The following PPARGC1A variants were observed in gnomAD, a reference collection of about 807,000 sequenced individuals.
The protein encoded by PPARGC1A is peroxisome proliferator-activated receptor gamma coactivator 1-alpha.
A neutral mutation model predicts 88.7 loss-of-function variants in PPARGC1A; 25 were observed. The observed-to-expected ratio is 0.28, with a 90% confidence interval of 0.21 to 0.39. PPARGC1A has a LOEUF of 0.39. Among genes scored for constraint, PPARGC1A ranks in the 10% least tolerant of loss-of-function variants. PPARGC1A has a pLI of 1.00. For missense variants in PPARGC1A, 880 were observed against 968.7 expected (o/e 0.91, Z 1.22); for synonymous variants, 363 against 355.6 (o/e 1.02, Z -0.24).
chr4:24,002,097 C>CACAGAGAGAGAGAG, the PPARGC1A span, among the ~76,000 whole-genome samples: 19 of 125,380 alleles, frequency 1.5e-4, no homozygotes, highest in African/African-American at 5.2e-4. Flanking sequence ...CACACACACA[C>CACAGAGAGAGAGAG]AGAGAGAGAG....
the PPARGC1A span, among the ~76,000 whole-genome samples, chr4:24,164,679 T>C: frequency 2.6e-5 from 4 of 152,204 alleles, no homozygotes; most frequent in South Asian, 2.1e-4. Context: ...GAATCTGTTT[T>C]AAAATTACTG....
At chr4:24,351,961 A>C in the PPARGC1A span, among the ~76,000 whole-genome samples, 47 of 152,242 alleles carry the variant, frequency 3.1e-4, no homozygotes, top group Middle Eastern at 6.8e-3. Context: ...GCAGAACTGG[A>C]TACTATGTTC....
rs940847067 is a variant in PPARGC1A at position 23,794,395 on chromosome 4, G to C, written c.*1427C>G. On this transcript the variant is annotated 3_prime_UTR_variant, in exon 13 of 13. Coordinates refer to ENST00000264867, the MANE Select transcript of PPARGC1A (RefSeq NM_013261.5). ...AATGTGGAAAAATATCGCAGAAGTG[G>C]TTAATACCTTTAGGGGACTAGGATA... 4.6e-5 allele frequency: 7 copies of C among 152,534 alleles called. No individual in the cohort carries two copies. Among genetic ancestry groups the C allele is most frequent in the Admixed American group, 2.0e-4 (3 of 15,260 alleles). 9.4% of individuals were successfully genotyped at this position (152,534 alleles called of 1,614,324 possible).
chr4:24,173,776 A>G, the PPARGC1A span, among the ~76,000 whole-genome samples: 2 of 152,238 alleles, frequency 1.3e-5, no homozygotes, highest in Non-Finnish European at 2.9e-5. Context: ...CCTCATCTGC[A>G]AAATGGGAAT....
At chr4:24,351,094 G>C in the PPARGC1A span, among the ~76,000 whole-genome samples, 1 of 152,026 alleles carries the variant, frequency 6.6e-6, no homozygotes, top group Non-Finnish European at 1.5e-5. Flanking sequence ...AGCTGGGAGC[G>C]GTGGCTCATG....
At chr4:23,857,375 C>CTGTGTGT (rs1560455961) in intron 2 of PPARGC1A, among the ~76,000 whole-genome samples, 1 of 123,788 alleles carries the variant, frequency 8.1e-6, no homozygotes, top group East Asian at 2.6e-4. Flanking sequence ...GTGTGTGTGA[C>CTGTGTGT]ACACACACAC....
the PPARGC1A span, among the ~76,000 whole-genome samples, chr4:23,917,858 C>G: frequency 1.3e-5 from 2 of 152,178 alleles, no homozygotes; most frequent in Non-Finnish European, 2.9e-5. Flanking sequence ...TGCATGAAAA[C>G]AAGCAAATCA....
the PPARGC1A span, among the ~76,000 whole-genome samples, chr4:24,078,019 A>G: frequency 6.6e-6 from 1 of 151,782 alleles, no homozygotes; most frequent in East Asian, 1.9e-4. Context: ...GTTCTTTATG[A>G]TAAGTGCAAT....
the PPARGC1A span, among the ~76,000 whole-genome samples, chr4:24,279,194 A>C: frequency 6.6e-6 from 1 of 152,206 alleles, no homozygotes; most frequent in African/African-American, 2.4e-5. Context: ...GAACAATCAA[A>C]GGGTATATGG....
chr4:24,076,553 AG>A, the PPARGC1A span, among the ~76,000 whole-genome samples: 1 of 152,184 alleles, frequency 6.6e-6, no homozygotes. Flanking sequence ...AGAAAGGCAG[AG>A]GATATATTTG....
the PPARGC1A span, among the ~76,000 whole-genome samples, chr4:24,246,490 C>T: frequency 1.3e-5 from 2 of 152,180 alleles, no homozygotes; most frequent in South Asian, 2.1e-4. Flanking sequence ...TGGTGCCTAT[C>T]TGTAGCCCCA....
At chr4:24,470,324 A>ACTCT in the PPARGC1A span, among the ~76,000 whole-genome samples, 1 of 107,776 alleles carries the variant, frequency 9.3e-6, no homozygotes, top group East Asian at 2.2e-4. The surrounding 1 kb of genome is among the most constrained non-coding windows in gnomAD (Gnocchi z 5.8). Flanking sequence ...ACACACACAC[A>ACTCT]CTCTCTCACA....
upstream of PPARGC1A, chr4:23,904,052 G>A: frequency 1.0e-6 from 1 of 983,246 alleles, no homozygotes; most frequent in South Asian, 4.7e-5. Flanking sequence ...TTTTACTGCA[G>A]TGCAAATACT....
At chr4:24,112,531 C>T in the PPARGC1A span, among the ~76,000 whole-genome samples, 1 of 152,154 alleles carries the variant, frequency 6.6e-6, no homozygotes, top group Non-Finnish European at 1.5e-5. Context: ...TAGATGTACA[C>T]CTAGGAGTTA....
At chr4:23,839,701 G>T (rs1424079879) in intron 2 of PPARGC1A, among the ~76,000 whole-genome samples, 1 of 152,106 alleles carries the variant, frequency 6.6e-6, no homozygotes, top group Non-Finnish European at 1.5e-5. Flanking sequence ...AGAGAAAGAT[G>T]TTTAGTTAGA....
chr4:23,991,216 C>A, the PPARGC1A span, among the ~76,000 whole-genome samples: 2 of 151,998 alleles, frequency 1.3e-5, no homozygotes, highest in Non-Finnish European at 2.9e-5. Flanking sequence ...GAGGGAAAGG[C>A]AGATAGCTTT....
the PPARGC1A span, among the ~76,000 whole-genome samples, chr4:24,242,834 A>T: frequency 6.6e-6 from 1 of 151,992 alleles, no homozygotes; most frequent in South Asian, 2.1e-4. Flanking sequence ...CCTGACGGGG[A>T]TGCCAGCCCC....
chr4:23,856,813 G>A (rs1416830853), intron 2 of PPARGC1A, among the ~76,000 whole-genome samples: 3 of 151,884 alleles, frequency 2.0e-5, no homozygotes, highest in African/African-American at 4.8e-5. Context: ...CTTCATCACC[G>A]AGAGGCTGGC....
chr4:23,913,145 A>T, the PPARGC1A span, among the ~76,000 whole-genome samples: 2 of 140,580 alleles, frequency 1.4e-5, no homozygotes. Flanking sequence ...ACACACACAT[A>T]CACTCTCTCT....
Sources: gnomAD v4.1 joint callset for allele counts (sites outside exome capture counted in the v4.1 genomes callset) on GRCh38, gnomAD v4.1.1 for gene constraint, Gnocchi (gnomAD v3.1) non-coding constraint, MANE v1.5 for transcripts, NCBI Gene and HGNC (gene_info 2026-07-23, HGNC 2026-07-21) for gene names.